WWTR1: variants seen among roughly 807,000 people sequenced by gnomAD.
WWTR1 encodes WW domain-containing transcription regulator protein 1.
Under a neutral mutation model 40.1 loss-of-function variants are expected in WWTR1, and 13 were observed. The observed-to-expected ratio is 0.32, with a 90% CI of 0.21 to 0.52. The LOEUF is 0.52. Among genes scored for constraint, WWTR1 ranks in the 20% least tolerant of loss-of-function variants. WWTR1 has a pLI of 0.97. For synonymous variants in WWTR1, 230 were observed against 210.1 expected, an observed-to-expected ratio of 1.09 and a Z score of -0.82; for missense variants, 436 against 523.1, an observed-to-expected ratio of 0.83 and a Z score of 1.63.
chr3:149,572,932 T>C lies in WWTR1; in HGVS notation c.500A>G (p.Asn167Ser), dbSNP rs1576570721. 3.1e-6 allele frequency: 5 copies of C among 1,613,258 alleles called. No homozygotes were observed. Among genetic ancestry groups the C allele is most frequent in the Non-Finnish European group, 4.2e-6 (5 of 1,179,880 alleles). The change falls in exon 3 of 7, where the codon AAC becomes AGC. Residue 167 changes from asparagine (N) to serine (S), a missense_variant. Physicochemically the swap from Asn to Ser is conservative, Grantham distance 46. Transcript: ENST00000360632. ...KAMNQPLNHM[N>S]LHPAVSSTPV... ...TGTGGAACTGACGGCAGGGTGGAGG[T>C]TCATATGATTCAGAGGCTGATTCAT... is the stretch of plus-strand genomic sequence containing the variant.
intron 3 of WWTR1, among the ~76,000 whole-genome samples, chr3:149,569,250 T>C (rs774760813): frequency 3.3e-5 from 5 of 152,164 alleles, no homozygotes; most frequent in Non-Finnish European, 5.9e-5. Flanking sequence ...AAAGCACTTA[T>C]AAAGAACAGT....
At chr3:149,592,569 C>T (rs1484538156) in intron 2 of WWTR1, among the ~76,000 whole-genome samples, 1 of 151,984 alleles carries the variant, frequency 6.6e-6, no homozygotes, top group South Asian at 2.1e-4. Flanking sequence ...AGAGATTAAT[C>T]GGCATATATC....
At chr3:149,581,101 T>C (rs987170557) in intron 2 of WWTR1, among the ~76,000 whole-genome samples, 3 of 152,212 alleles carry the variant, frequency 2.0e-5, no homozygotes, top group African/African-American at 7.2e-5. Context: ...CCCTAATCAA[T>C]CTTCCTCCCA....
chr3:149,586,353 T>C lies in WWTR1; in HGVS notation c.432-13353A>G, dbSNP rs569430199. Among the ~76,000 whole-genome samples the C allele has an allele frequency of 1.1e-4, 16 of 152,268 alleles. No homozygotes were observed. In the South Asian group the frequency reaches 3.3e-3, roughly 32 times the overall value. ...TAGTAATCCTTTGGCTGGTCACTTTTCTAACTTTGAAGAGAAGTGAGTTTT... is the reference window on the plus strand; with the variant it reads ...TAGTAATCCTTTGGCTGGTCACTTTCCTAACTTTGAAGAGAAGTGAGTTTT... On this transcript the variant is annotated intron_variant, in intron 2 of 6. Transcript: ENST00000360632.
Position 149,542,445 on chromosome 3 carries a change from T to C in WWTR1, c.661A>G (p.Met221Val). 6.2e-7 allele frequency: 1 copy of C among 1,614,134 alleles called. No individual in the cohort carries two copies. The highest frequency in any genetic ancestry group is 8.5e-7 in the Non-Finnish European group (1 of 1,180,000). Residue 221 changes from methionine (M) to valine (V), a missense_variant, in exon 4 of 7, where the codon ATG (methionine) becomes GTG (valine). Coordinates refer to ENST00000360632, the MANE Select transcript of WWTR1 (RefSeq NM_015472.6). ...TQNPPAGLMS[M>V]PNALTTQQQQ... ...TGCTGAGTGGTCAGCGCATTGGGCATACTCATGAGCCCTGCGGGTGGGTTC... is the reference window on the plus strand; with the variant it reads ...TGCTGAGTGGTCAGCGCATTGGGCACACTCATGAGCCCTGCGGGTGGGTTC...
intron 5 of WWTR1, among the ~76,000 whole-genome samples, chr3:149,716,587 GAA>G (rs896943441): frequency 6.6e-6 from 1 of 150,788 alleles, no homozygotes; most frequent in African/African-American, 2.4e-5. Flanking sequence ...TGGTATTAGG[GAA>G]AAAAAAATTA....
At chr3:149,719,193 G>A (rs533495468) in intron 4 of WWTR1, among the ~76,000 whole-genome samples, 8 of 148,564 alleles carry the variant, frequency 5.4e-5, no homozygotes, top group Non-Finnish European at 7.4e-5. Context: ...TTTTGAGACC[G>A]AGTCTCACTC....
intron 1 of WWTR1, among the ~76,000 whole-genome samples, chr3:149,701,008 C>T (rs1715151958): frequency 6.6e-6 from 1 of 152,226 alleles, no homozygotes; most frequent in African/African-American, 2.4e-5. Flanking sequence ...GGTGCCATTG[C>T]AAGCTGCAGC....
Position 149,656,954 on chromosome 3 carries a change from T to C in WWTR1, c.353A>G (p.Tyr118Cys). ...CAGTGGCAGCTCGTCGGTCACGTCG[T>C]AGGACTGCTGGCGGAGGTGCGCGTG... ...QQHAHLRQQSYDVTDELPLPP... is the reference protein window; with the variant it reads ...QQHAHLRQQSCDVTDELPLPP... The change falls in exon 2 of 7, where the codon TAC becomes TGC. Residue 118 changes from tyrosine to cysteine, a missense_variant. Coordinates refer to ENST00000360632, the MANE Select transcript of WWTR1 (RefSeq NM_015472.6). The C allele has an allele frequency of 6.3e-7, 1 of 1,594,756 alleles. No homozygotes were observed. The highest frequency in any genetic ancestry group is 8.5e-7 in the Non-Finnish European group (1 of 1,174,184).
rs113826520 is a variant in WWTR1 at position 149,535,353 on chromosome 3, A to C, written c.771+6982T>G. Among the ~76,000 whole-genome samples the C allele has an allele frequency of 1.4e-4, 21 of 152,128 alleles. 1 individual carries two copies. The highest frequency in any genetic ancestry group is 4.6e-4 in the African/African-American group (19 of 41,494). On this transcript the variant is annotated intron_variant, in intron 4 of 6. Coordinates refer to ENST00000360632, the MANE Select transcript of WWTR1 (RefSeq NM_015472.6). ...TCAGAGAGAGAATGCCGAATTATTT[A>C]CCTTCTTTACGGGGGACGGCGGGGG...
intron 3 of WWTR1, among the ~76,000 whole-genome samples, chr3:149,564,486 T>C (rs1576563510): frequency 7.9e-6 from 1 of 127,220 alleles, no homozygotes; most frequent in Middle Eastern, 3.5e-3. Flanking sequence ...TTGTTCTCAC[T>C]CTTTTTTTTT....
chr3:149,526,204 C>T (rs1735301295), intron 5 of WWTR1, 79 bp from the exon 6 acceptor site: 1 of 1,123,564 alleles, frequency 8.9e-7, no homozygotes, highest in Non-Finnish European at 1.2e-6. Flanking sequence ...CACAAAAGCT[C>T]TAAACTAGTG....
intron 2 of WWTR1, among the ~76,000 whole-genome samples, chr3:149,612,082 T>A (rs1161531954): frequency 6.6e-6 from 1 of 152,174 alleles, no homozygotes; most frequent in Non-Finnish European, 1.5e-5. Context: ...ACCCATCTCA[T>A]GACCCACCTT....
intron 2 of WWTR1, among the ~76,000 whole-genome samples, chr3:149,665,708 T>C (rs1713788096): frequency 6.6e-6 from 1 of 152,184 alleles, no homozygotes; most frequent in African/African-American, 2.4e-5. Flanking sequence ...CTGTGAATAC[T>C]ATCATTATAA....
Position 149,588,500 on chromosome 3 carries a change from G to A in WWTR1, c.432-15500C>T, listed in dbSNP as rs188158187. On this transcript the variant is annotated intron_variant, in intron 2 of 6. Transcript: ENST00000360632. ...ATCTTTAGTGTATGATGATAGAATG[G>A]TTAAACAAATTATGGTACAGTCAGA... Among the ~76,000 whole-genome samples the A allele has an allele frequency of 2.0e-5, 3 of 152,260 alleles. No homozygotes were observed. In the East Asian group the frequency reaches 5.8e-4, roughly 29 times the overall value.
chr3:149,536,643 A>T (rs907553763), intron 4 of WWTR1, among the ~76,000 whole-genome samples: 4 of 151,966 alleles, frequency 2.6e-5, no homozygotes, highest in Non-Finnish European at 5.9e-5. Context: ...CTGCCAAAAG[A>T]ATTCCGAGGC....
At chr3:149,701,399 C>A (rs938135844) in intron 1 of WWTR1, among the ~76,000 whole-genome samples, 1 of 152,106 alleles carries the variant, frequency 6.6e-6, no homozygotes, top group African/African-American at 2.4e-5. Flanking sequence ...CTAACCACAC[C>A]TCACGTGCCC....
At chr3:149,670,307 G>T (rs1038701427) in intron 1 of WWTR1, among the ~76,000 whole-genome samples, 7 of 152,164 alleles carry the variant, frequency 4.6e-5, no homozygotes, top group Non-Finnish European at 8.8e-5. Context: ...TTTTCAGGGC[G>T]CAGTTCATCC....
intron 4 of WWTR1, among the ~76,000 whole-genome samples, chr3:149,530,938 C>CTTTT (rs753375505): frequency 7.0e-6 from 1 of 143,160 alleles, no homozygotes; most frequent in Non-Finnish European, 1.5e-5. Flanking sequence ...GGAATGATTG[C>CTTTT]TTTTTTTTTT....
Sources: gnomAD v4.1 joint callset for allele counts (sites outside exome capture counted in the v4.1 genomes callset) on GRCh38, gnomAD v4.1.1 for gene constraint, MANE v1.5 for transcripts, NCBI Gene and HGNC (gene_info 2026-07-23, HGNC 2026-07-21) for gene names.